Variants in ERO1B observed in about 807,000 individuals in gnomAD.
ERO1B encodes endoplasmic reticulum oxidoreductase 1 beta.
A neutral mutation model predicts 75.3 loss-of-function variants in ERO1B; 49 were observed. That is an observed-to-expected ratio of 0.65 (90% confidence interval 0.52 to 0.83). ERO1B has a LOEUF of 0.83. Among genes scored for constraint, ERO1B ranks in the 40% least tolerant of loss-of-function variants. ERO1B has a pLI of 0.00. For missense variants in ERO1B, 512 were observed against 560.1 expected (o/e 0.91, Z 0.87); for synonymous variants, 191 against 192.9 (o/e 0.99, Z 0.08).
At chr1:236,268,457 A>T (rs1363902356) in intron 2 of ERO1B, among the ~76,000 whole-genome samples, 4 of 151,654 alleles carry the variant, frequency 2.6e-5, no homozygotes. Flanking sequence ...ACAAAAAAAA[A>T]TTAATTTAGC....
At position 236,217,695 on chromosome 1, in the gene ERO1B, G is replaced by A. The variant is rs1228969239; in HGVS notation, c.*821C>T. ...CAGTGTTTTCTTTCTAAAAGTAACTGACAATTTCCAAAATGTCTTTGTCCC... is the reference window on the plus strand; with the variant it reads ...CAGTGTTTTCTTTCTAAAAGTAACTAACAATTTCCAAAATGTCTTTGTCCC... On this transcript the variant is annotated 3_prime_UTR_variant, in exon 16 of 16. Transcript: ENST00000354619. The A allele has an allele frequency of 6.6e-6, 1 of 152,446 alleles. No individual in the cohort carries two copies. Among genetic ancestry groups the A allele is most frequent in the Non-Finnish European group, 1.5e-5 (1 of 67,990 alleles). The allele number at this position is 152,446 out of a possible 1,614,324, so 9.4% of individuals were successfully genotyped here.
intron 1 of ERO1B, among the ~76,000 whole-genome samples, chr1:236,274,688 C>T (rs1370052515): frequency 6.6e-6 from 1 of 151,818 alleles, no homozygotes; most frequent in East Asian, 1.9e-4. Flanking sequence ...AGCCTATTTA[C>T]TGAGGCCCAA....
intron 5 of ERO1B, among the ~76,000 whole-genome samples, chr1:236,245,316 ATATATACACACACGTATATATATACG>A (rs1664821549): frequency 5.2e-5 from 1 of 19,412 alleles, no homozygotes; most frequent in African/African-American, 9.2e-5. Context: ...ATATATATAT[ATATATACACACACGTATATATATACG>A]TATATATATA....
At chr1:236,233,232 C>T (rs554045403) in intron 8 of ERO1B, among the ~76,000 whole-genome samples, 1 of 151,576 alleles carries the variant, frequency 6.6e-6, no homozygotes, top group East Asian at 2.0e-4. Flanking sequence ...TCACTTGAAC[C>T]CAGGAGGTGG....
chr1:236,272,421 G>A (rs1418928898), intron 1 of ERO1B, among the ~76,000 whole-genome samples: 1 of 152,176 alleles, frequency 6.6e-6, no homozygotes, highest in Admixed American at 6.5e-5. Flanking sequence ...CAACATGGAT[G>A]CAGCTGGAGG....
chr1:236,259,435 T>A (rs1219081320), intron 2 of ERO1B, among the ~76,000 whole-genome samples: 3 of 152,124 alleles, frequency 2.0e-5, no homozygotes, highest in African/African-American at 7.2e-5. Context: ...CAATCAAAAG[T>A]GGATTGGATT....
In ERO1B at chr1:236,252,833, A is replaced by G. The variant is rs6671834; in HGVS notation, c.306+589T>C. On this transcript the variant is annotated intron_variant, in intron 3 of 15. Coordinates refer to ENST00000354619, the MANE Select transcript of ERO1B (RefSeq NM_019891.4). ...ACTAGACTAACTGATTAGGTAAGAAAAGCAGAAAGTGAAAGGAAAACAAAG... is the reference window on the plus strand; with the variant it reads ...ACTAGACTAACTGATTAGGTAAGAAGAGCAGAAAGTGAAAGGAAAACAAAG... 9.5e-3 allele frequency among the ~76,000 whole-genome samples: 1,443 copies of G among 152,330 alleles called. 22 individuals are homozygous for G. The highest frequency in any genetic ancestry group is 0.032 in the African/African-American group (1,338 of 41,586).
At chr1:236,244,211 C>T (rs774952466) in intron 5 of ERO1B, among the ~76,000 whole-genome samples, 12 of 151,716 alleles carry the variant, frequency 7.9e-5, no homozygotes, top group Non-Finnish European at 1.8e-4. Context: ...ATTCATAACA[C>T]AAAAGGAAAA....
At chr1:236,226,805 G>A (rs1664290964) in intron 10 of ERO1B, 66 bp from the exon 11 acceptor site, 2 of 1,176,538 alleles carry the variant, frequency 1.7e-6, no homozygotes, top group Admixed American at 2.1e-5. Context: ...GACTCAAGGA[G>A]GTTCAGTATG....
At chr1:236,221,393 T>G (rs549677244) in intron 14 of ERO1B, among the ~76,000 whole-genome samples, 1 of 152,288 alleles carries the variant, frequency 6.6e-6, no homozygotes, top group East Asian at 1.9e-4. Flanking sequence ...TAGCCTCCAC[T>G]GTAATAATTT....
chr1:236,236,138 G>A, intron 7 of ERO1B, 140 bp downstream of exon 7: 1 of 1,039,578 alleles, frequency 9.6e-7, no homozygotes. Flanking sequence ...TGTTGGCCAG[G>A]CTGGTCTTGA....
In ERO1B at chr1:236,226,386, C is replaced by T. The variant is rs751301183; in HGVS notation, c.935G>A (p.Arg312Gln). The change falls in exon 12 of 16, where the codon CGA (arginine) becomes CAA (glutamine). Residue 312 changes from arginine to glutamine, a missense_variant. Physicochemically the swap from Arg to Gln is conservative, Grantham distance 43. Coordinates refer to ENST00000354619, the MANE Select transcript of ERO1B (RefSeq NM_019891.4). ...ATATGGAGCCACCTTTGACAAAGCT[C>T]GAAGCTCAATCAAGTATAAAAAGTA... ...NLYFLYLIEL[R>Q]ALSKVAPYFE... 9 of 1,614,066 alleles carry T rather than the reference C, an allele frequency of 5.6e-6. No individual in the cohort carries two copies. Among genetic ancestry groups the T allele is most frequent in the South Asian group, 4.4e-5 (4 of 91,078 alleles).
rs1664281528 is a variant in ERO1B, at chr1:236,226,421, G to C, written c.900C>G (p.Leu300=). Residue 300 remains leucine, a synonymous_variant, in exon 12 of 16, where the codon CTC becomes CTG. Transcript: ENST00000354619. ...TCAAGTATAAAAAGTAAAGATTCTT[G>C]AGCCTTCTTGGACCTTCTCCCTTGG... ...VETKGEGPRR[L]KNLYFLYLIE... 3.1e-6 allele frequency: 5 copies of C among 1,614,126 alleles called. No individual in the cohort carries two copies. In the East Asian group the frequency reaches 1.1e-4, roughly 36 times the overall value.
intron 6 of ERO1B, among the ~76,000 whole-genome samples, chr1:236,242,218 T>G (rs1223545940): frequency 6.6e-6 from 1 of 152,208 alleles, no homozygotes; most frequent in Non-Finnish European, 1.5e-5. Context: ...AAATTATTAA[T>G]TTGAAAACCT....
chr1:236,273,825 AAAAAAAG>A (rs1467169135), intron 1 of ERO1B, among the ~76,000 whole-genome samples: 2 of 150,796 alleles, frequency 1.3e-5, no homozygotes, highest in East Asian at 1.9e-4. Context: ...AAAAAAAAAA[AAAAAAAG>A]AGTTTCTCCA....
At chr1:236,253,311 T>G in intron 3 of ERO1B, 111 bp downstream of exon 3, 1 of 659,494 alleles carries the variant, frequency 1.5e-6, no homozygotes, top group East Asian at 2.8e-5. Flanking sequence ...AGCATATGAA[T>G]TTGCTGACAC....
intron 13 of ERO1B, among the ~76,000 whole-genome samples, chr1:236,222,718 A>G (rs930524691): frequency 1.3e-5 from 2 of 152,338 alleles, no homozygotes; most frequent in South Asian, 2.1e-4. Flanking sequence ...GTGTAAGCCT[A>G]TATCAGAAAG....
At chr1:236,250,538 T>C (rs932935582) in intron 4 of ERO1B, among the ~76,000 whole-genome samples, 4 of 134,032 alleles carry the variant, frequency 3.0e-5, no homozygotes, top group Non-Finnish European at 6.3e-5. Context: ...TGATATCAAC[T>C]GAAAAAACAA....
rs1452171340 is a variant in ERO1B at position 236,217,854 on chromosome 1, G to A, written c.*662C>T. The A allele has an allele frequency of 6.6e-6, 1 of 152,112 alleles. No individual in the cohort carries two copies. Among genetic ancestry groups the A allele is most frequent in the Non-Finnish European group, 1.5e-5 (1 of 68,026 alleles). 9.4% of individuals were successfully genotyped at this position (152,112 alleles called of 1,614,324 possible). The stretch of plus-strand genomic sequence containing the variant: ...AGAGGTCTTGTTCACCTTTACCAAA[G>A]GAGGTCCTTTAGACTGGAAACAGCA... On this transcript the variant is annotated 3_prime_UTR_variant, in exon 16 of 16. Transcript: ENST00000354619.
Sources: gnomAD v4.1 joint callset for allele counts (sites outside exome capture counted in the v4.1 genomes callset) on GRCh38, gnomAD v4.1.1 for gene constraint, MANE v1.5 for transcripts, NCBI Gene and HGNC (gene_info 2026-07-23, HGNC 2026-07-21) for gene names.